TTC28: variants seen among roughly 807,000 people sequenced by gnomAD.
The protein encoded by TTC28 is tetratricopeptide repeat domain 28.
TTC28 carries 61 observed loss-of-function variants against 198.0 expected under a neutral mutation model. The observed-to-expected ratio is 0.31, with a 90% confidence interval of 0.25 to 0.38. The LOEUF (loss-of-function observed/expected upper bound fraction) is 0.38, where lower values mean the gene tolerates loss of function less well. Among genes scored for constraint, TTC28 ranks in the 10% least tolerant of loss-of-function variants. The probability of loss-of-function intolerance (pLI) is 1.00; values close to 1 mark genes in which losing one functional copy is unlikely to be tolerated. For synonymous variants in TTC28, 1,171 were observed against 1,297.8 expected (o/e 0.90, Z 2.10); for missense variants, 2,678 against 3,164.0 (o/e 0.85, Z 3.69).
intron 2 of TTC28, among the ~76,000 whole-genome samples, chr22:28,473,383 T>C (rs557042653): frequency 2.1e-4 from 32 of 152,172 alleles, no homozygotes; most frequent in African/African-American, 7.7e-4. Flanking sequence ...CGGGACCAGA[T>C]TGAGGACTAG....
At chr22:28,269,077 A>T (rs1368841290) in intron 5 of TTC28, among the ~76,000 whole-genome samples, 3 of 152,094 alleles carry the variant, frequency 2.0e-5, no homozygotes, top group Non-Finnish European at 4.4e-5. Flanking sequence ...GGGCCTTCTA[A>T]AAGCTGTTCT....
chr22:28,049,190 C>T (rs1291626544), intron 12 of TTC28, among the ~76,000 whole-genome samples: 1 of 152,156 alleles, frequency 6.6e-6, no homozygotes, highest in Non-Finnish European at 1.5e-5. Flanking sequence ...CTGAAGGCCT[C>T]CTTGACCTCA....
chr22:28,064,730 A>G (rs1940686664), intron 12 of TTC28, among the ~76,000 whole-genome samples: 1 of 152,186 alleles, frequency 6.6e-6, no homozygotes, highest in Non-Finnish European at 1.5e-5. Flanking sequence ...TACCGTATTT[A>G]TTGCCAAACA....
At chr22:28,390,308 A>G (rs964707452) in intron 2 of TTC28, among the ~76,000 whole-genome samples, 2 of 152,164 alleles carry the variant, frequency 1.3e-5, no homozygotes, top group Non-Finnish European at 2.9e-5. Flanking sequence ...GCTGAAAAAA[A>G]TGCATATTCT....
chr22:28,223,837 A>G (rs904863139), intron 5 of TTC28, among the ~76,000 whole-genome samples: 1 of 152,246 alleles, frequency 6.6e-6, no homozygotes, highest in African/African-American at 2.4e-5. Flanking sequence ...ATAAAGAAAT[A>G]AAAACTCACA....
At chr22:28,030,194 C>A (rs557917033) in intron 13 of TTC28, 32 bp downstream of exon 13, 8 of 1,550,476 alleles carry the variant, frequency 5.2e-6, no homozygotes, top group Non-Finnish European at 7.0e-6. Flanking sequence ...CCCTGCCCTG[C>A]ACTGGGCCTG....
At chr22:28,427,405 G>A (rs1359482844) in intron 2 of TTC28, among the ~76,000 whole-genome samples, 4 of 152,156 alleles carry the variant, frequency 2.6e-5, no homozygotes. Flanking sequence ...TGTAATCCCA[G>A]CACTTTGGGA....
intron 12 of TTC28, among the ~76,000 whole-genome samples, chr22:28,086,824 G>A (rs1055668904): frequency 1.3e-5 from 2 of 151,838 alleles, no homozygotes. Flanking sequence ...AATGATAAAG[G>A]GGATATCACC....
At chr22:28,645,745 A>G (rs1304222969) in intron 1 of TTC28, among the ~76,000 whole-genome samples, 2 of 152,152 alleles carry the variant, frequency 1.3e-5, no homozygotes, top group Non-Finnish European at 2.9e-5. Context: ...AAAATTAAAA[A>G]CAAAAACCAT....
chr22:28,553,414 T>C (rs2049727315), intron 2 of TTC28, among the ~76,000 whole-genome samples: 2 of 145,632 alleles, frequency 1.4e-5, no homozygotes. Context: ...TCGTCTGAGA[T>C]GTGGGGAGCG....
At chr22:28,568,415 C>T (rs952610658) in intron 2 of TTC28, among the ~76,000 whole-genome samples, 1 of 152,124 alleles carries the variant, frequency 6.6e-6, no homozygotes, top group Non-Finnish European at 1.5e-5. Context: ...GAAGAGAAGT[C>T]AAACTATCTC....
rs772909365 is a variant in TTC28 at position 28,537,994 on chromosome 22, A to G, written c.381+91558T>C. 3.7e-4 allele frequency among the ~76,000 whole-genome samples: 57 copies of G among 152,282 alleles called. 1 individual carries two copies. The Middle Eastern group carries it at 0.01, about 27-fold the overall frequency. On this transcript the variant is annotated intron_variant, in intron 2 of 22. Coordinates refer to ENST00000397906, the MANE Select transcript of TTC28 (RefSeq NM_001145418.2). ...AAGAAAAAAAAAGATATAGAAGGAA[A>G]GAAGGACATAGGACAGAATAATGTA...
chr22:28,445,372 G>T (rs554171706), intron 2 of TTC28, among the ~76,000 whole-genome samples: 22 of 152,314 alleles, frequency 1.4e-4, no homozygotes, highest in African/African-American at 5.3e-4. Flanking sequence ...AAATGAATTA[G>T]GTGGTCAATA....
intron 2 of TTC28, among the ~76,000 whole-genome samples, chr22:28,395,073 G>A (rs1361944164): frequency 6.6e-6 from 1 of 152,154 alleles, no homozygotes; most frequent in Non-Finnish European, 1.5e-5. Context: ...ACAGGAACAT[G>A]AGTTTCAATT....
chr22:28,511,008 G>GT, intron 2 of TTC28, among the ~76,000 whole-genome samples: 1 of 151,930 alleles, frequency 6.6e-6, no homozygotes, highest in Non-Finnish European at 1.5e-5. Context: ...AATCAGAGAG[G>GT]ACACAAAAAA....
At chr22:28,178,591 C>T (rs527548067) in intron 5 of TTC28, among the ~76,000 whole-genome samples, 56 of 152,078 alleles carry the variant, frequency 3.7e-4, no homozygotes, top group Non-Finnish European at 6.6e-4. Flanking sequence ...CAAAGTATGT[C>T]GGAGTGTGTT....
At chr22:28,657,583 AATT>A (rs1260732851) in intron 1 of TTC28, among the ~76,000 whole-genome samples, 3 of 152,252 alleles carry the variant, frequency 2.0e-5, no homozygotes, top group Non-Finnish European at 4.4e-5. Context: ...TTATTTTCTA[AATT>A]ATTATTTCTG....
chr22:28,577,670 A>G (rs1249491654), intron 2 of TTC28, among the ~76,000 whole-genome samples: 1 of 152,078 alleles, frequency 6.6e-6, no homozygotes, highest in Admixed American at 6.6e-5. Flanking sequence ...ATATATTTAC[A>G]ACTGCTATAT....
At chr22:28,248,861 G>C (rs1232156010) in intron 5 of TTC28, among the ~76,000 whole-genome samples, 1 of 152,046 alleles carries the variant, frequency 6.6e-6, no homozygotes, top group Admixed American at 6.6e-5. Context: ...AAAACTTAAA[G>C]CAGTATTGGG....
Sources: allele counts gnomAD v4.1 joint callset (sites outside exome capture counted in the v4.1 genomes callset), GRCh38; gene constraint gnomAD v4.1.1; transcripts MANE v1.5; gene names NCBI Gene and HGNC (gene_info 2026-07-23, HGNC 2026-07-21).